Variants in DAP3 observed in about 807,000 individuals in gnomAD.
The protein encoded by DAP3 is death associated protein 3.
In DAP3, 28 loss-of-function variants were observed where a neutral mutation model predicts 51.9. The observed-to-expected ratio is 0.54, with a 90% CI of 0.40 to 0.74. The LOEUF is 0.74. Ranked by LOEUF, DAP3 falls within the 30% of genes least tolerant of loss-of-function variation. The pLI is 0.00. For missense variants in DAP3, 458 were observed against 483.5 expected, an observed-to-expected ratio of 0.95 and a Z score of 0.49; for synonymous variants, 170 against 170.3, an observed-to-expected ratio of 1.00 and a Z score of 0.01.
intron 3 of DAP3, among the ~76,000 whole-genome samples, chr1:155,720,930 G>A (rs945086806): frequency 6.6e-6 from 1 of 152,098 alleles, no homozygotes; most frequent in Non-Finnish European, 1.5e-5. Context: ...CCAGATGCTC[G>A]GGAGGCTGAG....
chr1:155,720,231 G>A (rs1159330930), intron 3 of DAP3, among the ~76,000 whole-genome samples: 4 of 150,438 alleles, frequency 2.7e-5, no homozygotes, highest in Non-Finnish European at 5.9e-5. Context: ...AGGCTGAGGC[G>A]GGAGGATCTC....
intron 2 of DAP3, among the ~76,000 whole-genome samples, chr1:155,710,918 A>T (rs1656616102): frequency 1.3e-5 from 2 of 152,092 alleles, no homozygotes; most frequent in African/African-American, 4.8e-5. Flanking sequence ...AGCACCAAAG[A>T]GGAGCACCTG....
At position 155,711,285 on chromosome 1, in the gene DAP3, C is replaced by G. The variant is rs528127677; in HGVS notation, c.45+1461C>G. 4.9e-3 allele frequency among the ~76,000 whole-genome samples: 749 copies of G among 152,092 alleles called. 4 individuals carry two copies. The highest frequency in any genetic ancestry group is 9.8e-3 in the Admixed American group (149 of 15,270). On this transcript the variant is annotated intron_variant, in intron 2 of 12. Coordinates refer to ENST00000368336, the MANE Select transcript of DAP3 (RefSeq NM_004632.4). ...AGGCAGGCAGATCACCTGAGGTCAG[C>G]AGTTTGAGACCAGCCTGGCCAACAT...
At chr1:155,706,704 T>C (rs1571468021) in intron 1 of DAP3, among the ~76,000 whole-genome samples, 1 of 151,598 alleles carries the variant, frequency 6.6e-6, no homozygotes, top group Non-Finnish European at 1.5e-5. Context: ...GGAGGCAAGG[T>C]TCCAGTGAAC....
At chr1:155,723,402 C>T (rs1658215709) in intron 4 of DAP3, among the ~76,000 whole-genome samples, 1 of 152,164 alleles carries the variant, frequency 6.6e-6, no homozygotes, top group Non-Finnish European at 1.5e-5. Flanking sequence ...GATCTCAGCT[C>T]ACTGCAACCT....
intron 1 of DAP3, among the ~76,000 whole-genome samples, chr1:155,702,976 A>G (rs548576233): frequency 6.6e-6 from 1 of 151,980 alleles, no homozygotes; most frequent in East Asian, 1.9e-4. Flanking sequence ...TTCAAGAAAA[A>G]AAGAAAAAGA....
intron 1 of DAP3, among the ~76,000 whole-genome samples, chr1:155,706,855 G>A (rs1219959408): frequency 6.6e-6 from 1 of 151,770 alleles, no homozygotes; most frequent in African/African-American, 2.4e-5. Flanking sequence ...CGCTTTGAGA[G>A]GCCTAGGCAG....
chr1:155,725,838 C>A, intron 5 of DAP3, 89 bp from the exon 6 acceptor site: 1 of 1,255,272 alleles, frequency 8.0e-7, no homozygotes, highest in Non-Finnish European at 1.1e-6. Flanking sequence ...CACTCCAACC[C>A]CATCTCAAAA....
chr1:155,688,265 G>A (rs748081654), upstream of DAP3: 3 of 1,599,674 alleles, frequency 1.9e-6, no homozygotes, highest in Admixed American at 5.3e-5. Context: ...CTGAGAGGAG[G>A]CGGATCCCGC....
rs375847147 is a variant in DAP3, at chr1:155,693,445, A to G, written c.-8+4271A>G. Among the ~76,000 whole-genome samples, 9 of 141,874 alleles carry G rather than the reference A, an allele frequency of 6.3e-5. No homozygotes were observed. The South Asian group carries it at 1.9e-3, about 29-fold the overall frequency. The allele number at this position is 141,874 out of a possible 152,430, so 93.1% of individuals were successfully genotyped here. On this transcript the variant is annotated intron_variant, in intron 1 of 12. Coordinates refer to ENST00000368336, the MANE Select transcript of DAP3 (RefSeq NM_004632.4). Reference sequence around the variant, plus strand: ...TTCAGGGCCTATTATTGGATTAATCATTTTTGGATGTGGGCCGGCTATACC... The same window carrying G: ...TTCAGGGCCTATTATTGGATTAATCGTTTTTGGATGTGGGCCGGCTATACC...
intron 1 of DAP3, among the ~76,000 whole-genome samples, chr1:155,708,567 A>T (rs1571476361): frequency 1.6e-5 from 2 of 126,368 alleles, no homozygotes. Flanking sequence ...TTTGAGACAG[A>T]GTCTCACTCT....
At chr1:155,721,216 C>T (rs1472007383) in intron 3 of DAP3, among the ~76,000 whole-genome samples, 2 of 151,374 alleles carry the variant, frequency 1.3e-5, no homozygotes, top group African/African-American at 2.4e-5. Context: ...GATTGTAATG[C>T]CAGCTACTGG....
chr1:155,693,093 G>C (rs1244168714), intron 1 of DAP3, among the ~76,000 whole-genome samples: 1 of 141,584 alleles, frequency 7.1e-6, no homozygotes, highest in Non-Finnish European at 1.5e-5. Context: ...TGGAAGAAGA[G>C]GCTTTCCAAG....
At chr1:155,733,405 T>C (rs1186904591) in intron 11 of DAP3, among the ~76,000 whole-genome samples, 2 of 152,260 alleles carry the variant, frequency 1.3e-5, no homozygotes, top group Non-Finnish European at 2.9e-5. Flanking sequence ...CTACTGGTTT[T>C]AGTATCCATT....
intron 7 of DAP3, 137 bp from the exon 8 acceptor site, chr1:155,728,905 G>T: frequency 1.4e-6 from 1 of 705,316 alleles, no homozygotes; most frequent in Non-Finnish European, 2.3e-6. Flanking sequence ...CTTCTACATT[G>T]AGGTCTCTTA....
At chr1:155,714,322 C>T (rs1413414388) in intron 2 of DAP3, among the ~76,000 whole-genome samples, 1 of 152,152 alleles carries the variant, frequency 6.6e-6, no homozygotes, top group African/African-American at 2.4e-5. Context: ...CACTTTAGTT[C>T]CCAACTAGCT....
At chr1:155,736,575 C>A in intron 11 of DAP3, 1 of 268,950 alleles carries the variant, frequency 3.7e-6, no homozygotes, top group South Asian at 4.0e-5. Flanking sequence ...CAGCACCACT[C>A]CTGGCTAATT....
chr1:155,738,040 G>C, intron 12 of DAP3, 117 bp from the exon 13 acceptor site: 1 of 928,430 alleles, frequency 1.1e-6, no homozygotes, highest in Non-Finnish European at 1.7e-6. Context: ...TCTCTTGGGA[G>C]ATGATAATTA....
At chr1:155,733,612 G>A (rs58317531) in intron 11 of DAP3, among the ~76,000 whole-genome samples, 3,023 of 149,496 alleles carry the variant, frequency 0.02, 107 homozygotes, top group African/African-American at 0.071. Context: ...GCCAAGGCGG[G>A]TGGATCACGA....
Sources: allele counts gnomAD v4.1 joint callset (sites outside exome capture counted in the v4.1 genomes callset), GRCh38; gene constraint gnomAD v4.1.1; transcripts MANE v1.5; gene names NCBI Gene and HGNC (gene_info 2026-07-23, HGNC 2026-07-21).